The following ENOX1 variants were observed in gnomAD, a reference collection of about 807,000 sequenced individuals.
ENOX1 encodes the protein ecto-NOX disulfide-thiol exchanger 1.
Under a neutral mutation model 82.5 loss-of-function variants are expected in ENOX1, and 42 were observed. That is an observed-to-expected ratio of 0.51 (90% CI 0.40 to 0.66). ENOX1 has a LOEUF of 0.66. ENOX1 is among the 30% of genes least tolerant of loss of function. ENOX1 has a pLI of 0.00. For missense variants in ENOX1, 608 were observed against 811.6 expected (o/e 0.75, Z 3.05); for synonymous variants, 271 against 282.2 (o/e 0.96, Z 0.40).
chr13:43,713,503 T>C lies in ENOX1; in HGVS notation c.-284-45959A>G, dbSNP rs532773786. Among the ~76,000 whole-genome samples, 112 of 152,278 alleles carry C rather than the reference T, an allele frequency of 7.4e-4. 1 individual carries two copies. In the East Asian group the frequency reaches 0.017, roughly 23 times the overall value. On this transcript the variant is annotated intron_variant, in intron 1 of 16. Coordinates refer to ENST00000690772, the MANE Select transcript of ENOX1 (RefSeq NM_001347969.2). ...AGAAGGAATGGTACCAGTTCCTCCTTGTACCTCTGGTAGAATTCGGCTGTG... is the reference window on the plus strand; with the variant it reads ...AGAAGGAATGGTACCAGTTCCTCCTCGTACCTCTGGTAGAATTCGGCTGTG...
Position 43,729,532 on chromosome 13 carries a change from T to C in ENOX1, c.-285+57120A>G, listed in dbSNP as rs1345724646. On this transcript the variant is annotated intron_variant, in intron 1 of 16. Coordinates refer to ENST00000690772, the MANE Select transcript of ENOX1 (RefSeq NM_001347969.2). ...TACTTTTCATCTATTTATTAAAACA[T>C]TTTTGTAATGTTTTGTTGTGGTACT... is the stretch of plus-strand genomic sequence containing the variant. 2.0e-5 allele frequency among the ~76,000 whole-genome samples: 3 copies of C among 152,200 alleles called. No homozygotes were observed. In the East Asian group the frequency reaches 5.8e-4, roughly 29 times the overall value.
chr13:43,533,628 TAATTA>T (rs748985263), intron 2 of ENOX1, among the ~76,000 whole-genome samples: 18 of 152,168 alleles, frequency 1.2e-4, no homozygotes, highest in Non-Finnish European at 2.5e-4. Context: ...TTACTTACAC[TAATTA>T]ATTTTTAAAA....
At chr13:43,530,802 A>G (rs2078177040) in intron 2 of ENOX1, among the ~76,000 whole-genome samples, 1 of 152,124 alleles carries the variant, frequency 6.6e-6, no homozygotes, top group African/African-American at 2.4e-5. Flanking sequence ...ATTTAAACCC[A>G]GTTAATGAAA....
At chr13:43,441,811 ATT>A (rs11304162) in intron 3 of ENOX1, among the ~76,000 whole-genome samples, 35 of 148,912 alleles carry the variant, frequency 2.4e-4, no homozygotes, top group South Asian at 4.3e-4. Context: ...TTCTCCTTCG[ATT>A]TTTTTTTTTT....
chr13:43,523,616 A>C (rs991161993), intron 2 of ENOX1, among the ~76,000 whole-genome samples: 1 of 152,168 alleles, frequency 6.6e-6, no homozygotes, highest in African/African-American at 2.4e-5. Flanking sequence ...TTAAGAAAGC[A>C]ATGTCTTCTG....
chr13:43,564,392 T>C (rs570974299), intron 2 of ENOX1, among the ~76,000 whole-genome samples: 3 of 152,076 alleles, frequency 2.0e-5, no homozygotes, highest in African/African-American at 4.8e-5. Flanking sequence ...CATAAATATA[T>C]ACACTATGTA....
chr13:43,391,353 C>T (rs1012675855), intron 5 of ENOX1, among the ~76,000 whole-genome samples: 4 of 152,162 alleles, frequency 2.6e-5, no homozygotes, highest in African/African-American at 9.7e-5. Flanking sequence ...ATGCCATTTC[C>T]CTCATGCCCA....
At chr13:43,690,162 T>C (rs893036237) in intron 1 of ENOX1, among the ~76,000 whole-genome samples, 2 of 151,666 alleles carry the variant, frequency 1.3e-5, no homozygotes, top group Non-Finnish European at 2.9e-5. Flanking sequence ...CTCTTTAGAA[T>C]GTAAGGTATT....
intron 10 of ENOX1, 61 bp downstream of exon 10, chr13:43,326,358 G>C: frequency 7.0e-7 from 1 of 1,421,002 alleles, no homozygotes; most frequent in Non-Finnish European, 9.9e-7. Context: ...CTGCAGCCAT[G>C]CTATTCTCTG....
intron 11 of ENOX1, among the ~76,000 whole-genome samples, chr13:43,317,010 A>G (rs1295083805): frequency 6.6e-6 from 1 of 152,212 alleles, no homozygotes; most frequent in Non-Finnish European, 1.5e-5. Context: ...CCACTGGTCT[A>G]TTTCTCTTTC....
intron 5 of ENOX1, among the ~76,000 whole-genome samples, chr13:43,373,811 T>G (rs897384205): frequency 2.6e-5 from 4 of 152,238 alleles, no homozygotes; most frequent in African/African-American, 9.6e-5. Context: ...GGGGCGAATT[T>G]TTCAGAGGGA....
At chr13:43,756,930 C>CA (rs1409845217) in intron 1 of ENOX1, among the ~76,000 whole-genome samples, 1 of 102,594 alleles carries the variant, frequency 9.7e-6, no homozygotes, top group African/African-American at 3.7e-5. Context: ...CAACCCTGGA[C>CA]AACATAGTGA....
At chr13:43,421,683 T>A (rs1314006331) in intron 3 of ENOX1, among the ~76,000 whole-genome samples, 1 of 152,128 alleles carries the variant, frequency 6.6e-6, no homozygotes, top group Non-Finnish European at 1.5e-5. Context: ...CCTTGCTCTA[T>A]CCCAGCACTT....
At chr13:43,272,662 T>C (rs1327685230) in intron 12 of ENOX1, among the ~76,000 whole-genome samples, 1 of 152,162 alleles carries the variant, frequency 6.6e-6, no homozygotes, top group Non-Finnish European at 1.5e-5. Flanking sequence ...TAATTCTGAC[T>C]CTCCATTAAC....
chr13:43,318,427 C>T (rs1282733908), intron 11 of ENOX1, among the ~76,000 whole-genome samples: 1 of 152,190 alleles, frequency 6.6e-6, no homozygotes, highest in Non-Finnish European at 1.5e-5. Flanking sequence ...GCCCTGGGTC[C>T]ACAGCACCTT....
intron 2 of ENOX1, among the ~76,000 whole-genome samples, chr13:43,515,727 A>G (rs1401785422): frequency 6.6e-6 from 1 of 152,162 alleles, no homozygotes; most frequent in Non-Finnish European, 1.5e-5. Flanking sequence ...ACAAAGAATC[A>G]CAGTCACTGA....
At chr13:43,781,636 C>A (rs796797188) in intron 1 of ENOX1, among the ~76,000 whole-genome samples, 2 of 152,082 alleles carry the variant, frequency 1.3e-5, no homozygotes, top group South Asian at 4.1e-4. Context: ...GCCTCAGCCC[C>A]CCGAGTAGCT....
At chr13:43,453,896 A>G (rs1215944690) in intron 3 of ENOX1, among the ~76,000 whole-genome samples, 2 of 152,172 alleles carry the variant, frequency 1.3e-5, no homozygotes, top group Admixed American at 1.3e-4. Flanking sequence ...TAAAGAAAGA[A>G]TGTGGGGAGT....
intron 8 of ENOX1, 91 bp from the exon 9 acceptor site, chr13:43,344,841 AC>A: frequency 1.2e-5 from 15 of 1,243,754 alleles, no homozygotes; most frequent in Non-Finnish European, 1.6e-5. Flanking sequence ...GCATAGTCCA[AC>A]CTAGTGGATA....
Sources: allele counts gnomAD v4.1 joint callset (sites outside exome capture counted in the v4.1 genomes callset), GRCh38; gene constraint gnomAD v4.1.1; transcripts MANE v1.5; gene names NCBI Gene and HGNC (gene_info 2026-07-23, HGNC 2026-07-21).